The following SLCO1A2 variants were observed in gnomAD, a reference collection of about 807,000 sequenced individuals.
SLCO1A2 encodes OATP-1.
A neutral mutation model predicts 69.0 loss-of-function variants in SLCO1A2; 67 were observed. The ratio of observed to expected loss-of-function variants is 0.97; its 90% confidence interval spans 0.80 to 1.19. The LOEUF (loss-of-function observed/expected upper bound fraction) is 1.19. Ranked by LOEUF, SLCO1A2 falls within the 50% of genes most tolerant of loss-of-function variation. The pLI is 0.00. For missense variants in SLCO1A2, 787 were observed against 793.7 expected, an observed-to-expected ratio of 0.99 and a Z score of 0.10; for synonymous variants, 260 against 265.9, an observed-to-expected ratio of 0.98 and a Z score of 0.22.
chr12:21,417,823 G>A (rs1407662593), intron 1 of SLCO1A2: 1 of 152,062 alleles, frequency 6.6e-6, no homozygotes, highest in East Asian at 1.9e-4. Context: ...AAAATATAAT[G>A]TACATATATA....
chr12:21,364,198 C>T (rs1337919017), intron 2 of SLCO1A2, among the ~76,000 whole-genome samples: 1 of 152,180 alleles, frequency 6.6e-6, no homozygotes, highest in Non-Finnish European at 1.5e-5. Flanking sequence ...GCTTATCCAC[C>T]ATGATCAAGT....
chr12:21,416,051 A>G (rs1166775778), intron 1 of SLCO1A2, among the ~76,000 whole-genome samples: 1 of 151,522 alleles, frequency 6.6e-6, no homozygotes, highest in Non-Finnish European at 1.5e-5. Context: ...TTGGTGTTTT[A>G]TTGTTCTTAT....
intron 2 of SLCO1A2, among the ~76,000 whole-genome samples, chr12:21,341,030 C>T (rs1043854356): frequency 6.6e-6 from 1 of 151,936 alleles, no homozygotes; most frequent in Non-Finnish European, 1.5e-5. Flanking sequence ...CCATTTAATT[C>T]TCCTAAAATC....
At chr12:21,381,419 G>A (rs753275401) in intron 1 of SLCO1A2, among the ~76,000 whole-genome samples, 1 of 151,930 alleles carries the variant, frequency 6.6e-6, no homozygotes, top group Non-Finnish European at 1.5e-5. Flanking sequence ...AAAAAAATGC[G>A]CAACATCACT....
At chr12:21,275,333 G>A (rs1435263050) in intron 13 of SLCO1A2, 27 bp downstream of exon 13, 1 of 1,521,906 alleles carries the variant, frequency 6.6e-7, no homozygotes, top group Non-Finnish European at 9.0e-7. Context: ...GTTCTGATAG[G>A]ATGTGGGAAA....
rs1949477826 is a variant in SLCO1A2 at position 21,306,887 on chromosome 12, G to A, written c.437C>T (p.Pro146Leu). ...GTQILRPTQDPSECTKEVKSL... is the reference protein window; with the variant it reads ...GTQILRPTQDLSECTKEVKSL... Reference sequence around the variant, plus strand: ...AATACAATGAAGTAGACAACCTGATGGATCCTGCGTTGGTCTTAAAATCTG... The same window carrying A: ...AATACAATGAAGTAGACAACCTGATAGATCCTGCGTTGGTCTTAAAATCTG... The change falls in exon 5 of 15, where the codon CCA becomes CTA. Residue 146 changes from proline (P) to leucine (L), a missense_variant. Coordinates refer to ENST00000683939, the MANE Select transcript of SLCO1A2 (RefSeq NM_001386879.1). 1.2e-6 allele frequency: 2 copies of A among 1,611,122 alleles called. No homozygotes were observed. Among genetic ancestry groups the A allele is most frequent in the Non-Finnish European group, 1.7e-6 (2 of 1,177,624 alleles).
At chr12:21,314,964 G>C (rs900745981) in intron 3 of SLCO1A2, among the ~76,000 whole-genome samples, 1 of 152,174 alleles carries the variant, frequency 6.6e-6, no homozygotes, top group African/African-American at 2.4e-5. Flanking sequence ...CTAAAGAATG[G>C]TTCTGGGAAA....
upstream of SLCO1A2, among the ~76,000 whole-genome samples, chr12:21,338,508 C>G (rs1405128002): frequency 6.6e-6 from 1 of 151,798 alleles, no homozygotes; most frequent in Non-Finnish European, 1.5e-5. Flanking sequence ...CACCCTGCTG[C>G]TTGGCTAAAA....
intron 8 of SLCO1A2, 80 bp downstream of exon 8, chr12:21,300,268 C>G (rs772575131): frequency 8.0e-5 from 81 of 1,015,610 alleles, no homozygotes; most frequent in Non-Finnish European, 1.2e-4. Flanking sequence ...CATAGCATAT[C>G]ATAGTGTTAG....
rs531684403 is a variant in SLCO1A2 at position 21,363,882 on chromosome 12, T to C, written c.-63+10517A>G. ...AATCCCTGAATAGACCAATAACAGGTTCTGAAATTGAGGCAATAATTAATA... is the reference window on the plus strand; with the variant it reads ...AATCCCTGAATAGACCAATAACAGGCTCTGAAATTGAGGCAATAATTAATA... On this transcript the variant is annotated intron_variant, in intron 2 of 15. Coordinates refer to the SLCO1A2 transcript ENST00000307378. Among the ~76,000 whole-genome samples, 25 of 151,798 alleles carry C rather than the reference T, an allele frequency of 1.6e-4. No individual in the cohort carries two copies. In the South Asian group the frequency reaches 4.8e-3, roughly 29 times the overall value.
At position 21,314,658 on chromosome 12, in the gene SLCO1A2, C is replaced by A; in HGVS notation, c.226G>T (p.Val76Leu). 6.2e-7 allele frequency: 1 copy of A among 1,604,394 alleles called. No homozygotes were observed. The highest frequency in any genetic ancestry group is 8.5e-7 in the Non-Finnish European group (1 of 1,171,702). ...EIGNLLLIIF[V>L]SYFGTKLHRP... ...TGCAGTTTGGTTCCAAAATAACTCA[C>A]AAATATAATCAACAAAAGATTTCCT... is the stretch of plus-strand genomic sequence containing the variant. Residue 76 changes from valine (V) to leucine (L), a missense_variant, in exon 4 of 15, where the codon GTG becomes TTG. Coordinates refer to ENST00000683939, the MANE Select transcript of SLCO1A2 (RefSeq NM_001386879.1).
At chr12:21,379,909 G>A (rs1179549233) in intron 1 of SLCO1A2, 6 of 152,048 alleles carry the variant, frequency 3.9e-5, no homozygotes, top group Non-Finnish European at 7.4e-5. Flanking sequence ...TAGAGGCAGG[G>A]AAATATATTT....
intron 1 of SLCO1A2, among the ~76,000 whole-genome samples, chr12:21,380,133 T>A (rs1376558843): frequency 6.6e-6 from 1 of 152,158 alleles, no homozygotes; most frequent in East Asian, 1.9e-4. Context: ...CACCTATATA[T>A]GATATAAATA....
At chr12:21,351,318 T>G (rs1417771429) in intron 2 of SLCO1A2, among the ~76,000 whole-genome samples, 1 of 152,194 alleles carries the variant, frequency 6.6e-6, no homozygotes, top group East Asian at 1.9e-4. Context: ...CTAGTGCAGT[T>G]TCTCCAAGTG....
intron 12 of SLCO1A2, among the ~76,000 whole-genome samples, chr12:21,278,249 T>C (rs1261038918): frequency 3.3e-4 from 50 of 150,954 alleles, no homozygotes; most frequent in Non-Finnish European, 2.9e-5. Flanking sequence ...TAAGGTAGAT[T>C]TGTATGATTT....
At chr12:21,404,087 C>G (rs1434824889) in intron 1 of SLCO1A2, among the ~76,000 whole-genome samples, 1 of 151,892 alleles carries the variant, frequency 6.6e-6, no homozygotes, top group Non-Finnish European at 1.5e-5. Context: ...GACTGAGATG[C>G]GAAAACCAGT....
chr12:21,317,866 C>G (rs1054986253), intron 3 of SLCO1A2, among the ~76,000 whole-genome samples: 1 of 152,072 alleles, frequency 6.6e-6, no homozygotes, highest in Non-Finnish European at 1.5e-5. Context: ...TTCCTTTCCC[C>G]CATTCTCCCT....
chr12:21,335,464 T>C (rs140729815), upstream of SLCO1A2, among the ~76,000 whole-genome samples: 96 of 152,024 alleles, frequency 6.3e-4, no homozygotes, highest in African/African-American at 2.3e-3. Context: ...AAACAAAAAG[T>C]TGAATTAAAC....
intron 1 of SLCO1A2, among the ~76,000 whole-genome samples, chr12:21,390,774 A>G (rs1054556424): frequency 2.0e-5 from 3 of 152,174 alleles, no homozygotes; most frequent in African/African-American, 7.2e-5. Flanking sequence ...CTGAATCCTA[A>G]AAAGATTAGA....
Sources: allele counts gnomAD v4.1 joint callset (sites outside exome capture counted in the v4.1 genomes callset), GRCh38; gene constraint gnomAD v4.1.1; transcripts MANE v1.5; gene names NCBI Gene and HGNC (gene_info 2026-07-23, HGNC 2026-07-21).